Variants in DYNC1LI2 observed in about 807,000 individuals in gnomAD.
DYNC1LI2 encodes cytoplasmic dynein 1 light intermediate chain 2.
DYNC1LI2 carries 19 observed loss-of-function variants against 57.8 expected under a neutral mutation model. That is an observed-to-expected ratio of 0.33 (90% CI 0.23 to 0.48). DYNC1LI2 has a LOEUF of 0.48. Among genes scored for constraint, DYNC1LI2 ranks in the 20% least tolerant of loss-of-function variants. The pLI, the probability that DYNC1LI2 is intolerant of heterozygous loss-of-function variation, is 0.99. For synonymous variants in DYNC1LI2, 256 were observed against 233.4 expected, an observed-to-expected ratio of 1.10 and a Z score of -0.88; for missense variants, 470 against 604.2, an observed-to-expected ratio of 0.78 and a Z score of 2.33.
chr16:66,742,379 T>A, intron 4 of DYNC1LI2, 59 bp downstream of exon 4: 1 of 1,544,754 alleles, frequency 6.5e-7, no homozygotes, highest in East Asian at 2.3e-5. Flanking sequence ...AGGAAAGTGA[T>A]TCAAACCATC....
intron 11 of DYNC1LI2, 97 bp from the exon 12 acceptor site, chr16:66,726,041 A>G (rs572489612): frequency 8.0e-7 from 1 of 1,253,810 alleles, no homozygotes; most frequent in Non-Finnish European, 1.1e-6. Context: ...ACTTGTGGCT[A>G]TCAGCTTCCT....
intron 3 of DYNC1LI2, among the ~76,000 whole-genome samples, chr16:66,745,479 C>T (rs1471916641): frequency 1.3e-5 from 2 of 150,204 alleles, no homozygotes; most frequent in Non-Finnish European, 3.0e-5. Context: ...GGTTTCACCA[C>T]GTTGTCCAGG....
intron 6 of DYNC1LI2, chr16:66,733,324 G>A (rs1034556602): frequency 3.3e-5 from 5 of 152,220 alleles, no homozygotes; most frequent in African/African-American, 1.2e-4. Flanking sequence ...CACTTTGGGA[G>A]GCCAAGGAGG....
At chr16:66,727,567 G>A (rs903406273) in intron 11 of DYNC1LI2, 121 bp downstream of exon 11, 16 of 882,558 alleles carry the variant, frequency 1.8e-5, no homozygotes, top group Non-Finnish European at 2.8e-5. Flanking sequence ...CCTTATCGGG[G>A]AAGAGAATAG....
At chr16:66,726,519 G>A (rs1208405113) in intron 11 of DYNC1LI2, among the ~76,000 whole-genome samples, 1 of 152,202 alleles carries the variant, frequency 6.6e-6, no homozygotes, top group Non-Finnish European at 1.5e-5. Flanking sequence ...CTCAGCCAGG[G>A]GTGGTGGCTC....
chr16:66,739,821 T>C (rs1766000935), intron 4 of DYNC1LI2, among the ~76,000 whole-genome samples: 1 of 152,234 alleles, frequency 6.6e-6, no homozygotes, highest in Non-Finnish European at 1.5e-5. Flanking sequence ...ACCATGTAAG[T>C]TGGATAGTAA....
chr16:66,745,856 A>C (rs755868751), intron 3 of DYNC1LI2, among the ~76,000 whole-genome samples: 22 of 151,968 alleles, frequency 1.4e-4, no homozygotes, highest in Non-Finnish European at 2.4e-4. Context: ...GGGAGCTGAG[A>C]TAATGCCACT....
chr16:66,725,682 G>T, intron 12 of DYNC1LI2, 146 bp downstream of exon 12: 3 of 742,134 alleles, frequency 4.0e-6, no homozygotes, highest in African/African-American at 1.8e-5. Context: ...CTGAAAGCAC[G>T]GCACACTGCT....
intron 3 of DYNC1LI2, among the ~76,000 whole-genome samples, chr16:66,744,484 C>T (rs1402393644): frequency 6.6e-6 from 1 of 152,108 alleles, no homozygotes; most frequent in Non-Finnish European, 1.5e-5. Flanking sequence ...TGTAATGAAA[C>T]GTGGTTCCAA....
At chr16:66,728,899 G>GAATGA in intron 9 of DYNC1LI2, 141 bp downstream of exon 9, 1 of 821,838 alleles carries the variant, frequency 1.2e-6, no homozygotes, top group Non-Finnish European at 2.1e-6. Flanking sequence ...AATAAGGAGG[G>GAATGA]AATGAGGAGA....
chr16:66,732,428 G>A lies in DYNC1LI2; in HGVS notation c.840C>T (p.Leu280=). 1 of 1,613,622 alleles carries A rather than the reference G, an allele frequency of 6.2e-7. No individual in the cohort carries two copies. Among genetic ancestry groups the A allele is most frequent in the Non-Finnish European group, 8.5e-7 (1 of 1,179,936 alleles). ...GAACAATATACTTATACAACAAGTC[G>A]AGGTTTTTCTCTTCTTTCACTGATG... is the stretch of plus-strand genomic sequence containing the variant. The part of the protein sequence containing the change: ...IYTSVKEEKN[L]DLLYKYIVHK... The change falls in exon 7 of 13, where the codon CTC becomes CTT. Residue 280 remains leucine, a synonymous_variant. Coordinates refer to ENST00000258198, the MANE Select transcript of DYNC1LI2 (RefSeq NM_006141.3).
chr16:66,750,229 C>CT (rs1195870971), intron 2 of DYNC1LI2, among the ~76,000 whole-genome samples: 1 of 152,168 alleles, frequency 6.6e-6, no homozygotes, highest in East Asian at 1.9e-4. Context: ...TTGAAGATCT[C>CT]TAAGGGTCCG....
rs1230848431 is a variant in DYNC1LI2 at position 66,734,953 on chromosome 16, C to T, written c.700-642G>A. Among the ~76,000 whole-genome samples, 5 of 126,554 alleles carry T rather than the reference C, an allele frequency of 4.0e-5. No homozygotes were observed. In the South Asian group the frequency reaches 1.3e-3, roughly 33 times the overall value. The allele number at this position is 126,554 out of a possible 152,430, so 83.0% of individuals were successfully genotyped here. A position where few individuals can be genotyped will look rare whatever the true frequency, so the allele number is the denominator to read the frequency against. On this transcript the variant is annotated intron_variant, in intron 5 of 12. Transcript: ENST00000258198. ...CAGAGGTTGCAGTGAGCCGAGATCA[C>T]ACCATTGTACTCCAGCCTGGGCAAC...
intron 4 of DYNC1LI2, among the ~76,000 whole-genome samples, chr16:66,737,771 A>C (rs2017761206): frequency 6.6e-6 from 1 of 152,246 alleles, no homozygotes; most frequent in Admixed American, 6.5e-5. Flanking sequence ...CCAGCTAAGG[A>C]AGGCCATTAA....
intron 4 of DYNC1LI2, 117 bp from the exon 5 acceptor site, chr16:66,736,361 A>G (rs771318698): frequency 4.6e-5 from 57 of 1,248,348 alleles, no homozygotes; most frequent in Non-Finnish European, 6.0e-5. Context: ...TGTGTGACAA[A>G]CTTCTTAGTC....
At position 66,734,452 on chromosome 16, in the gene DYNC1LI2, A is replaced by T. The variant is rs1179071383; in HGVS notation, c.700-141T>A. ...GTCCAAGCATTAATTAGAGAAGAGT[A>T]AAAAAGAACCGGAGATTTTTCTCAT... is the stretch of plus-strand genomic sequence containing the variant. On this transcript the variant is annotated intron_variant, in intron 5 of 12. Transcript: ENST00000258198. The T allele has an allele frequency of 3.8e-6, 3 of 787,208 alleles. No homozygotes were observed. The African/African-American group carries it at 5.3e-5, about 14-fold the overall frequency. 48.8% of individuals were successfully genotyped at this position (787,208 alleles called of 1,614,324 possible). A position where few individuals can be genotyped will look rare whatever the true frequency, so the allele number is the denominator to read the frequency against.
In DYNC1LI2 at chr16:66,723,639, T is replaced by C; in HGVS notation, c.*83A>G. 8.1e-7 allele frequency: 1 copy of C among 1,235,316 alleles called. No individual in the cohort carries two copies. Among genetic ancestry groups the C allele is most frequent in the Non-Finnish European group, 1.1e-6 (1 of 881,102 alleles). The allele number at this position is 1,235,316 out of a possible 1,614,324, so 76.5% of individuals were successfully genotyped here. On this transcript the variant is annotated 3_prime_UTR_variant, in exon 13 of 13. Transcript: ENST00000258198. ...CCTGCCCCAAAAAACTGATAGCATG[T>C]GCCATATCAGAAAAATCCTGGTCTT...
chr16:66,741,897 CAAAAAAAAAAAAAAA>C (rs66527903), intron 4 of DYNC1LI2, among the ~76,000 whole-genome samples: 1 of 106,848 alleles, frequency 9.4e-6, no homozygotes, highest in Non-Finnish European at 1.9e-5. Context: ...ATGTTAATTA[CAAAAAAAAAAAAAAA>C]AAAAAAAAGA....
At chr16:66,740,958 A>G (rs541726032) in intron 4 of DYNC1LI2, among the ~76,000 whole-genome samples, 8 of 152,214 alleles carry the variant, frequency 5.3e-5, no homozygotes, top group Non-Finnish European at 1.2e-4. Context: ...CTAATCCTAA[A>G]TAACAGCCAT....
Sources: gnomAD v4.1 joint callset for allele counts (sites outside exome capture counted in the v4.1 genomes callset) on GRCh38, gnomAD v4.1.1 for gene constraint, MANE v1.5 for transcripts, NCBI Gene and HGNC (gene_info 2026-07-23, HGNC 2026-07-21) for gene names.